The following APLP1 variants were observed in gnomAD, a reference collection of about 807,000 sequenced individuals.
The protein encoded by APLP1 is amyloid beta precursor like protein 1, also known as amyloid beta (A4) precursor-like protein 1.
A neutral mutation model predicts 84.5 loss-of-function variants in APLP1; 46 were observed. The observed-to-expected ratio is 0.54, with a 90% CI of 0.43 to 0.70. The LOEUF (loss-of-function observed/expected upper bound fraction) is 0.70, where lower values mean the gene tolerates loss of function less well. Among genes scored for constraint, APLP1 ranks in the 30% least tolerant of loss-of-function variants. The pLI, the probability that APLP1 is intolerant of heterozygous loss-of-function variation, is 0.00. For synonymous variants in APLP1, 376 were observed against 364.0 expected, an observed-to-expected ratio of 1.03 and a Z score of -0.38; for missense variants, 826 against 900.2, an observed-to-expected ratio of 0.92 and a Z score of 1.05.
Position 35,868,670 on chromosome 19 carries a change from A to G in APLP1, c.34A>G (p.Ser12Gly). ...CGCCAGCCCCGCTGCTCGCGGTCTAAGTCGCCGCCCGGGCCAGCCGCCGCT... is the reference window on the plus strand; with the variant it reads ...CGCCAGCCCCGCTGCTCGCGGTCTAGGTCGCCGCCCGGGCCAGCCGCCGCT... ...GPASPAARGL[S>G]RRPGQPPLPL... The change falls in exon 1 of 17, where the codon AGT becomes GGT. Residue 12 changes from serine (S) to glycine (G), a missense_variant. By Grantham distance (56) the Ser-to-Gly change is moderately conservative. This residue lies in a region of APLP1 where 10 missense variants were observed against 25.4 expected (regional missense o/e 0.39). Transcript: ENST00000221891. This position sits in a 1 kb window ranked among gnomAD's most constrained non-coding sequence, Gnocchi z 5.2. 7.1e-7 allele frequency: 1 copy of G among 1,402,020 alleles called. No homozygotes were observed. The allele number at this position is 1,402,020 out of a possible 1,614,324, so 86.8% of individuals were successfully genotyped here.
Position 35,879,592 on chromosome 19 carries a change from C to T in APLP1, c.*151C>T. Reference sequence around the variant, plus strand: ...GGCTGGAAATTCTTATTTCCCCTTTCCAATTCCAAAATTCCATCCCTAAGA... The same window carrying T: ...GGCTGGAAATTCTTATTTCCCCTTTTCAATTCCAAAATTCCATCCCTAAGA... On this transcript the variant is annotated 3_prime_UTR_variant, in exon 17 of 17. Transcript: ENST00000221891. The T allele has an allele frequency of 1.5e-6, 1 of 664,790 alleles. No individual in the cohort carries two copies. Among genetic ancestry groups the T allele is most frequent in the Middle Eastern group, 4.2e-4 (1 of 2,358 alleles). 41.2% of individuals were successfully genotyped at this position (664,790 alleles called of 1,614,324 possible). A position where few individuals can be genotyped will look rare whatever the true frequency, so the allele number is the denominator to read the frequency against.
intron 6 of APLP1, 68 bp from the exon 7 acceptor site, chr19:35,872,415 G>T (rs1410637284): frequency 1.3e-5 from 20 of 1,567,238 alleles, no homozygotes; most frequent in Non-Finnish European, 1.5e-5. Flanking sequence ...AGGAAATGTG[G>T]TTCTCTAGGT....
Position 35,871,754 on chromosome 19 carries a change from G to T in APLP1, c.671+9G>T. 6.2e-7 allele frequency: 1 copy of T among 1,614,058 alleles called. No individual in the cohort carries two copies. The stretch of plus-strand genomic sequence containing the variant: ...TCTGGGACAGCAGTTGGGTGAGTGG[G>T]AGGGAACCCTCCATGCCCATCTCAA... On this transcript the variant is annotated intron_variant, in intron 5 of 16. Transcript: ENST00000221891.
chr19:35,879,654 C>T lies in APLP1; in HGVS notation c.*213C>T. On this transcript the variant is annotated 3_prime_UTR_variant, in exon 17 of 17. Transcript: ENST00000221891. ...GTCCCAGCAGCCTCCCCACGTGGCA[C>T]CTCCTCACCTTAATTTATTTTTTAA... The T allele has an allele frequency of 1.8e-6, 1 of 565,254 alleles. No individual in the cohort carries two copies. The highest frequency in any genetic ancestry group is 3.1e-6 in the Non-Finnish European group (1 of 320,686). 35.0% of individuals were successfully genotyped at this position (565,254 alleles called of 1,614,324 possible). A position where few individuals can be genotyped will look rare whatever the true frequency, so the allele number is the denominator to read the frequency against.
chr19:35,878,902 G>T lies in APLP1; in HGVS notation c.1663G>T (p.Val555Phe). ...EQYERKVNAS[V>F]PRGFPFHSSE... is the part of the protein sequence containing the mutation. ...CCTGCTCCCCCAGGTGAATGCGTCT[G>T]TTCCAAGGGGTTTCCCTTTCCACTC... The change falls in exon 15 of 17, where the codon GTT becomes TTT. Residue 555 changes from valine to phenylalanine, a missense_variant. This residue lies in a region of APLP1 where 433 missense variants were observed against 496.5 expected (regional missense o/e 0.87). Transcript: ENST00000221891. The T allele has an allele frequency of 6.2e-7, 1 of 1,614,128 alleles. No individual in the cohort carries two copies. The highest frequency in any genetic ancestry group is 1.1e-5 in the South Asian group (1 of 91,088).
At chr19:35,869,352 GCCT>G (rs1171329418) in intron 1 of APLP1, 22 of 567,786 alleles carry the variant, frequency 3.9e-5, no homozygotes, top group Admixed American at 1.0e-4. Flanking sequence ...CTGGGTTCTG[GCCT>G]CCTCCTCCGC....
chr19:35,879,502 C>A lies in APLP1; in HGVS notation c.*61C>A. 1.4e-6 allele frequency: 2 copies of A among 1,447,122 alleles called. No homozygotes were observed. Among genetic ancestry groups the A allele is most frequent in the Non-Finnish European group, 1.9e-6 (2 of 1,032,892 alleles). The allele number at this position is 1,447,122 out of a possible 1,614,324, so 89.6% of individuals were successfully genotyped here. A position where few individuals can be genotyped will look rare whatever the true frequency, so the allele number is the denominator to read the frequency against. ...CTCCCCTCTTCCTGGAGCCCCAGAA[C>A]CCCAACTCCCAGCCTAGGGCAGCAG... On this transcript the variant is annotated 3_prime_UTR_variant, in exon 17 of 17. Transcript: ENST00000221891.
chr19:35,874,497 T>TC lies in APLP1; in HGVS notation c.1057-3dup. The TC allele has an allele frequency of 6.2e-7, 1 of 1,613,762 alleles. No homozygotes were observed. The highest frequency in any genetic ancestry group is 8.5e-7 in the Non-Finnish European group (1 of 1,179,774). On this transcript the variant is annotated splice_region_variant and splice_polypyrimidine_tract_variant and intron_variant, in intron 8 of 16. Coordinates refer to ENST00000221891, the MANE Select transcript of APLP1 (RefSeq NM_001024807.3). This position sits in a 1 kb window ranked among gnomAD's most constrained non-coding sequence, Gnocchi z 6.4. Reference sequence around the variant, plus strand: ...CTCTCCTGACCCTGTGCCCACCCGCTCCCCAGCACTTCCAGTCCATTCTGC... The same window carrying TC: ...CTCTCCTGACCCTGTGCCCACCCGCTCCCCCAGCACTTCCAGTCCATTCTGC...
chr19:35,875,469 G>A (rs1360592422), intron 10 of APLP1, among the ~76,000 whole-genome samples: 1 of 152,118 alleles, frequency 6.6e-6, no homozygotes, highest in Non-Finnish European at 1.5e-5. Flanking sequence ...GGGACTACAG[G>A]CGGGTGTCAC....
At chr19:35,873,011 C>A (rs556110517) in intron 7 of APLP1, among the ~76,000 whole-genome samples, 12 of 152,084 alleles carry the variant, frequency 7.9e-5, no homozygotes, top group African/African-American at 2.9e-4. Flanking sequence ...AGGCACCCAC[C>A]ACCACGCCCG....
rs1488933355 is a variant in APLP1, at chr19:35,874,216, T to C, written c.1057-288T>C. On this transcript the variant is annotated intron_variant, in intron 8 of 16. Transcript: ENST00000221891. This position sits in a 1 kb window ranked among gnomAD's most constrained non-coding sequence, Gnocchi z 6.4. ...TTGACCCTGCCCAGGCCAGGAGCCC[T>C]GCAAGGCTTTGTCCCTTTCACCTTA... Among the ~76,000 whole-genome samples, 2 of 152,236 alleles carry C rather than the reference T, an allele frequency of 1.3e-5. No homozygotes were observed. Among genetic ancestry groups the C allele is most frequent in the Admixed American group, 6.5e-5 (1 of 15,282 alleles).
At chr19:35,872,878 T>G (rs1484033919) in intron 7 of APLP1, among the ~76,000 whole-genome samples, 5 of 151,730 alleles carry the variant, frequency 3.3e-5, no homozygotes, top group African/African-American at 9.7e-5. Context: ...GTTGTTGTTG[T>G]GACGGAGTTT....
In APLP1 at chr19:35,871,491, C is replaced by T. The variant is rs554081409; in HGVS notation, c.538-121C>T. 2.9e-5 allele frequency: 41 copies of T among 1,427,322 alleles called. No homozygotes were observed. The South Asian group carries it at 4.2e-4, about 14-fold the overall frequency. The allele number at this position is 1,427,322 out of a possible 1,614,324, so 88.4% of individuals were successfully genotyped here. On this transcript the variant is annotated intron_variant, in intron 4 of 16. Coordinates refer to ENST00000221891, the MANE Select transcript of APLP1 (RefSeq NM_001024807.3). The stretch of plus-strand genomic sequence containing the variant: ...ATCTAAGAATTTCATCCCCCAACCC[C>T]TTCCTCTAGAAGCAGGAATCCAGGC...
chr19:35,874,541 T>C lies in APLP1; in HGVS notation c.1094T>C (p.Val365Ala), dbSNP rs1974233706. 1 of 1,614,158 alleles carries C rather than the reference T, an allele frequency of 6.2e-7. No homozygotes were observed. Among genetic ancestry groups the C allele is most frequent in the East Asian group, 2.2e-5 (1 of 44,872 alleles). The change falls in exon 9 of 17, where the codon GTG becomes GCG. Residue 365 changes from valine (V) to alanine (A), a missense_variant. This residue lies in a region of APLP1 where 433 missense variants were observed against 496.5 expected (regional missense o/e 0.87). Transcript: ENST00000221891. The surrounding 1 kb of genome is among the most constrained non-coding windows in gnomAD (Gnocchi z 6.4). ...QSILQTLEEQ[V>A]SGERQRLVET... is the part of the protein sequence containing the mutation. The stretch of plus-strand genomic sequence containing the variant: ...ATTCTGCAGACTCTGGAGGAGCAGG[T>C]GTCTGGTGAGCGACAGCGCCTGGTG...
Position 35,868,614 on chromosome 19 carries a change from C to T in APLP1, c.-23C>T. 1.5e-6 allele frequency: 2 copies of T among 1,301,574 alleles called. No individual in the cohort carries two copies. Among genetic ancestry groups the T allele is most frequent in the Non-Finnish European group, 1.9e-6 (2 of 1,027,050 alleles). The allele number at this position is 1,301,574 out of a possible 1,614,324, so 80.6% of individuals were successfully genotyped here. On this transcript the variant is annotated 5_prime_UTR_variant, in exon 1 of 17. It adds an upstream start codon to the 5' untranslated region. Coordinates refer to ENST00000221891, the MANE Select transcript of APLP1 (RefSeq NM_001024807.3). The surrounding 1 kb of genome is among the most constrained non-coding windows in gnomAD (Gnocchi z 5.2). ...CCGGGCCGGGCGGGAGTGCAGGGGA[C>T]GTGAGGGCGCAAGGGCCGGGACATG... is the stretch of plus-strand genomic sequence containing the variant.
Position 35,874,545 on chromosome 19 carries a change from T to C in APLP1, c.1098T>C (p.Ser366=), listed in dbSNP as rs200399471. ...SILQTLEEQV[S]GERQRLVETH... Reference sequence around the variant, plus strand: ...TGCAGACTCTGGAGGAGCAGGTGTCTGGTGAGCGACAGCGCCTGGTGGAAA... The same window carrying C: ...TGCAGACTCTGGAGGAGCAGGTGTCCGGTGAGCGACAGCGCCTGGTGGAAA... Residue 366 remains serine, a synonymous_variant, in exon 9 of 17, where the codon TCT becomes TCC. Coordinates refer to ENST00000221891, the MANE Select transcript of APLP1 (RefSeq NM_001024807.3). The surrounding 1 kb of genome is among the most constrained non-coding windows in gnomAD (Gnocchi z 6.4). 71 of 1,614,170 alleles carry C rather than the reference T, an allele frequency of 4.4e-5. No homozygotes were observed. Among genetic ancestry groups the C allele is most frequent in the Admixed American group, 1.7e-5 (1 of 60,034 alleles).
At chr19:35,873,817 C>T (rs1280057368) in intron 8 of APLP1, 104 bp downstream of exon 8, 3 of 1,071,672 alleles carry the variant, frequency 2.8e-6, no homozygotes, top group African/African-American at 1.6e-5. Context: ...TCCACCCCTT[C>T]CCACCTATCT....
At chr19:35,878,146 A>T in intron 13 of APLP1, 38 bp downstream of exon 13, 1 of 1,600,860 alleles carries the variant, frequency 6.2e-7, no homozygotes, top group African/African-American at 1.3e-5. Context: ...TCCAAATCCC[A>T]CTGAATCCCT....
intron 11 of APLP1, among the ~76,000 whole-genome samples, chr19:35,877,357 C>T (rs540436794): frequency 1.3e-5 from 2 of 152,100 alleles, no homozygotes; most frequent in Non-Finnish European, 2.9e-5. Flanking sequence ...GGCATGATGT[C>T]GCTTGCCTGT....
Sources: gnomAD v4.1 joint callset for allele counts (sites outside exome capture counted in the v4.1 genomes callset) on GRCh38, gnomAD v4.1.1 for gene constraint, gnomAD v4.1.1 regional missense constraint, Gnocchi (gnomAD v3.1) non-coding constraint, MANE v1.5 for transcripts, NCBI Gene and HGNC (gene_info 2026-07-23, HGNC 2026-07-21) for gene names.